M6PR: variants seen among roughly 807,000 people sequenced by gnomAD.
M6PR encodes the protein mannose-6-phosphate receptor, cation dependent.
Under a neutral mutation model 33.1 loss-of-function variants are expected in M6PR, and 19 were observed. The observed-to-expected ratio is 0.57, with a 90% confidence interval of 0.40 to 0.84. The LOEUF is 0.84. Ranked by LOEUF, M6PR falls within the 40% of genes least tolerant of loss-of-function variation. M6PR has a pLI of 0.00. For synonymous variants in M6PR, 111 were observed against 123.4 expected (o/e 0.90, Z 0.67); for missense variants, 295 against 336.0 (o/e 0.88, Z 0.95).
rs756909714 is a variant in M6PR at position 8,945,520 on chromosome 12, C to A, written c.241G>T (p.Ala81Ser). 3 of 1,614,002 alleles carry A rather than the reference C, an allele frequency of 1.9e-6. No homozygotes were observed. The highest frequency in any genetic ancestry group is 2.7e-5 in the African/African-American group (2 of 74,894). ...YIYIFRVCREAGNHTSGAGLV... is the reference protein window; with the variant it reads ...YIYIFRVCRESGNHTSGAGLV... Reference sequence around the variant, plus strand: ...CCTGCCCCAGAAGTGTGGTTGCCAGCTTCCCGGCACACCCTGAAGATGTAG... The same window carrying A: ...CCTGCCCCAGAAGTGTGGTTGCCAGATTCCCGGCACACCCTGAAGATGTAG... Residue 81 changes from alanine (A) to serine (S), a missense_variant, in exon 3 of 7, where the codon GCT becomes TCT. By Grantham distance (99) the Ala-to-Ser change is moderately conservative (BLOSUM62 1). Transcript: ENST00000000412.
At chr12:8,942,325 C>T in intron 6 of M6PR, 91 bp downstream of exon 6, 2 of 1,578,836 alleles carry the variant, frequency 1.3e-6, no homozygotes, top group South Asian at 2.2e-5. Flanking sequence ...TCCTGTGTCC[C>T]AGGAACCCCC....
At position 8,942,560 on chromosome 12, in the gene M6PR, C is replaced by CATCT; in HGVS notation, c.585-22_585-19dup. On this transcript the variant is annotated intron_variant, in intron 5 of 6. Coordinates refer to ENST00000000412, the MANE Select transcript of M6PR (RefSeq NM_002355.4). ...ATGCAAACCTGTAGAGAGAGAAAGACATCTATACTTAAGAACTGGGAAATA... is the reference window on the plus strand; with the variant it reads ...ATGCAAACCTGTAGAGAGAGAAAGACATCTATCTATACTTAAGAACTGGGAAATA... 1 of 1,612,028 alleles carries CATCT rather than the reference C, an allele frequency of 6.2e-7. No homozygotes were observed. The highest frequency in any genetic ancestry group is 8.5e-7 in the Non-Finnish European group (1 of 1,178,556).
Position 8,941,445 on chromosome 12 carries a change from A to T in M6PR, c.*373T>A. The T allele has an allele frequency of 5.4e-6, 1 of 186,312 alleles. No homozygotes were observed. Among genetic ancestry groups the T allele is most frequent in the African/African-American group, 2.4e-5 (1 of 42,292 alleles). 11.5% of individuals were successfully genotyped at this position (186,312 alleles called of 1,614,324 possible). ...GTTTCTTGGCATTTTTTTTTTAATT[A>T]AAGAAATCCAGTGTCTCAAAAACTT... On this transcript the variant is annotated 3_prime_UTR_variant, in exon 7 of 7. Coordinates refer to ENST00000000412, the MANE Select transcript of M6PR (RefSeq NM_002355.4).
chr12:8,945,610 AGAG>A (rs747860062), intron 2 of M6PR, 26 bp from the exon 3 acceptor site: 8 of 1,606,648 alleles, frequency 5.0e-6, no homozygotes, highest in South Asian at 1.1e-5. Flanking sequence ...GGAAGAAAGA[AGAG>A]GAGAGTTACT....
intron 1 of M6PR, among the ~76,000 whole-genome samples, chr12:8,947,377 A>G (rs2137173428): frequency 6.6e-6 from 1 of 152,280 alleles, no homozygotes; most frequent in Admixed American, 6.5e-5. Context: ...ATTCCCCTAA[A>G]CAACCTAACA....
rs183665508 is a variant in M6PR at position 8,946,163 on chromosome 12, A to G, written c.176+66T>C. On this transcript the variant is annotated intron_variant, in intron 2 of 6. Transcript: ENST00000000412. ...AAAAGAGAGCACATTATGAAATAAA[A>G]TCAGTAAGAAGAAAAGACTTTAACA... 199 of 1,478,168 alleles carry G rather than the reference A, an allele frequency of 1.3e-4. 1 individual carries two copies. The African/African-American group carries it at 2.6e-3, about 20-fold the overall frequency. 91.6% of individuals were successfully genotyped at this position (1,478,168 alleles called of 1,614,324 possible).
intron 4 of M6PR, 131 bp from the exon 5 acceptor site, chr12:8,943,666 GAC>G (rs925402769): frequency 4.9e-5 from 67 of 1,355,700 alleles, no homozygotes; most frequent in Non-Finnish European, 7.0e-5. Flanking sequence ...ATGCGTGTCT[GAC>G]ACAGAGAGAA....
At chr12:8,946,447 G>C in intron 1 of M6PR, 42 bp from the exon 2 acceptor site, 1 of 1,493,106 alleles carries the variant, frequency 6.7e-7, no homozygotes, top group Non-Finnish European at 9.3e-7. Flanking sequence ...GGTAGGATCA[G>C]GAGAGAGAGG....
rs1946055198 is a variant in M6PR at position 8,943,551 on chromosome 12, C to T, written c.454-16G>A. On this transcript the variant is annotated splice_polypyrimidine_tract_variant and intron_variant, in intron 4 of 6. Transcript: ENST00000000412. The stretch of plus-strand genomic sequence containing the variant: ...TAAAATTGTCCTGATGATGAGATGG[C>T]ATAACACATTCAGGTGGTTAAGTGT... The T allele has an allele frequency of 1.9e-6, 3 of 1,614,002 alleles. No individual in the cohort carries two copies. Among genetic ancestry groups the T allele is most frequent in the East Asian group, 2.2e-5 (1 of 44,902 alleles).
Position 8,946,343 on chromosome 12 carries a change from A to G in M6PR, c.62T>C (p.Val21Ala). ...GLLLLLLAVA[V>A]RESWQTEEKT... ...TTCTTCTGTCTGCCAGGATTCTCTC[A>G]CTGCCACAGCCAGGAGTAGTAGTAG... Residue 21 changes from valine to alanine, a missense_variant, in exon 2 of 7, where the codon GTG becomes GCG. Coordinates refer to ENST00000000412, the MANE Select transcript of M6PR (RefSeq NM_002355.4). The G allele has an allele frequency of 6.2e-7, 1 of 1,614,138 alleles. No homozygotes were observed. Among genetic ancestry groups the G allele is most frequent in the East Asian group, 2.2e-5 (1 of 44,880 alleles).
At chr12:8,943,254 A>G in intron 5 of M6PR, 151 bp downstream of exon 5, 2 of 1,000,448 alleles carry the variant, frequency 2.0e-6, no homozygotes, top group Non-Finnish European at 2.9e-6. Context: ...TCCTGGCAGA[A>G]TTATTTTATA....
intron 5 of M6PR, 42 bp from the exon 6 acceptor site, chr12:8,942,584 T>C (rs758968456): frequency 1.1e-5 from 17 of 1,599,854 alleles, no homozygotes; most frequent in South Asian, 5.5e-5. Context: ...AACTGGGAAA[T>C]AGTAAAAACT....
chr12:8,944,707 GAC>G (rs1450942851), intron 3 of M6PR, among the ~76,000 whole-genome samples: 1 of 152,162 alleles, frequency 6.6e-6, no homozygotes, highest in Admixed American at 6.5e-5. Context: ...AAGTTTTGCA[GAC>G]TGAGTAGTTT....
chr12:8,943,011 T>C (rs1592221779), intron 5 of M6PR, among the ~76,000 whole-genome samples: 1 of 151,560 alleles, frequency 6.6e-6, no homozygotes, highest in Non-Finnish European at 1.5e-5. Flanking sequence ...TGGAGTGCAG[T>C]GGTGCGACCT....
intron 5 of M6PR, among the ~76,000 whole-genome samples, chr12:8,943,141 G>A (rs777703603): frequency 6.6e-6 from 1 of 152,130 alleles, no homozygotes; most frequent in African/African-American, 2.4e-5. Flanking sequence ...TAGTAGAGAC[G>A]GAGTTTCATC....
intron 1 of M6PR, among the ~76,000 whole-genome samples, chr12:8,947,638 C>T (rs537173567): frequency 6.6e-5 from 10 of 152,298 alleles, no homozygotes; most frequent in South Asian, 6.2e-4. Context: ...TATTAATTAA[C>T]TAATTAATCC....
chr12:8,942,617 T>G, intron 5 of M6PR, 75 bp from the exon 6 acceptor site: 11 of 1,480,068 alleles, frequency 7.4e-6, no homozygotes, highest in Non-Finnish European at 1.0e-5. Flanking sequence ...CCTCTGCATT[T>G]ATTGTCAGCT....
Position 8,941,860 on chromosome 12 carries a change from C to T in M6PR, c.792G>A (p.Gly264=). 6.2e-7 allele frequency: 1 copy of T among 1,614,088 alleles called. No individual in the cohort carries two copies. Among genetic ancestry groups the T allele is most frequent in the Admixed American group, 1.7e-5 (1 of 60,016 alleles). The change falls in exon 7 of 7, where the codon GGG becomes GGA. Residue 264 remains glycine, a synonymous_variant. Coordinates refer to ENST00000000412, the MANE Select transcript of M6PR (RefSeq NM_002355.4). The part of the protein sequence containing the change: ...AYRGVGDDQL[G]EESEERDDHL... The stretch of plus-strand genomic sequence containing the variant: ...GGTCATCCCTTTCTTCTGACTCCTC[C>T]CCCAGCTGGTCATCCCCCACACCAC...
intron 4 of M6PR, 60 bp from the exon 5 acceptor site, chr12:8,943,595 A>G (rs1946056130): frequency 6.2e-7 from 1 of 1,607,496 alleles, no homozygotes; most frequent in Admixed American, 1.7e-5. Flanking sequence ...CTGTCCAACA[A>G]AATAAAAAAC....
Sources: allele counts gnomAD v4.1 joint callset (sites outside exome capture counted in the v4.1 genomes callset), GRCh38; gene constraint gnomAD v4.1.1; transcripts MANE v1.5; gene names NCBI Gene and HGNC (gene_info 2026-07-23, HGNC 2026-07-21).